Variants in SYDE2 observed in about 807,000 individuals in gnomAD.
SYDE2 encodes the protein synapse defective Rho GTPase homolog 2.
In SYDE2, 76 loss-of-function variants were observed where a neutral mutation model predicts 91.5. The ratio of observed to expected loss-of-function variants is 0.83; its 90% CI spans 0.69 to 1.01. The LOEUF is 1.01. SYDE2 is among the 50% of genes least tolerant of loss of function. The probability of loss-of-function intolerance (pLI) is 0.00; values close to 1 mark genes in which losing one functional copy is unlikely to be tolerated. For synonymous variants in SYDE2, 513 were observed against 506.4 expected, an observed-to-expected ratio of 1.01 and a Z score of -0.18; for missense variants, 1,364 against 1,367.7, an observed-to-expected ratio of 1.00 and a Z score of 0.04.
At chr1:85,153,287 T>C (rs1025839229), downstream of SYDE2, 1 of 152,142 alleles carries the variant, frequency 6.6e-6, no homozygotes, top group Non-Finnish European at 1.5e-5. Context: ...AGAGGAAATA[T>C]GAGATTGAGG....
At chr1:85,189,983 T>C in intron 2 of SYDE2, 74 bp downstream of exon 2, 2 of 1,106,938 alleles carry the variant, frequency 1.8e-6, no homozygotes, top group Non-Finnish European at 1.3e-6. Context: ...ACATCTTTTA[T>C]ATTTAGTTTT....
Position 85,158,747 on chromosome 1 carries a change from A to G in SYDE2, c.*3T>C, listed in dbSNP as rs1394079012. 2 of 719,966 alleles carry G rather than the reference A, an allele frequency of 2.8e-6. No individual in the cohort carries two copies. The highest frequency in any genetic ancestry group is 5.0e-5 in the East Asian group (2 of 40,356). The allele number at this position is 719,966 out of a possible 1,614,324, so 44.6% of individuals were successfully genotyped here. Reference sequence around the variant, plus strand: ...AAGACATTACAAAAAAAAACCCTCAATCTCAAAAACTCATATTAAGCTTGT... The same window carrying G: ...AAGACATTACAAAAAAAAACCCTCAGTCTCAAAAACTCATATTAAGCTTGT... On this transcript the variant is annotated 3_prime_UTR_variant, in exon 7 of 7. Transcript: ENST00000341460.
At chr1:85,177,753 C>CA (rs1463474919) in intron 4 of SYDE2, among the ~76,000 whole-genome samples, 1 of 152,090 alleles carries the variant, frequency 6.6e-6, no homozygotes, top group Non-Finnish European at 1.5e-5. Context: ...CTCCCCCACT[C>CA]AAAAAATCTT....
chr1:85,181,049 A>G (rs1244723640), intron 3 of SYDE2: 1 of 151,382 alleles, frequency 6.6e-6, no homozygotes, highest in African/African-American at 2.4e-5. Context: ...TATCTGAGTT[A>G]GAAGTTTCAT....
At chr1:85,173,279 C>T (rs1657568182) in intron 4 of SYDE2, among the ~76,000 whole-genome samples, 1 of 152,100 alleles carries the variant, frequency 6.6e-6, no homozygotes, top group Non-Finnish European at 1.5e-5. Flanking sequence ...TGGAGTTATG[C>T]ATCTACAGGC....
rs1658315537 is a variant in SYDE2 at position 85,190,294 on chromosome 1, C to T, written c.1204G>A (p.Val402Ile). The T allele has an allele frequency of 6.2e-7, 1 of 1,613,952 alleles. No homozygotes were observed. The highest frequency in any genetic ancestry group is 8.5e-7 in the Non-Finnish European group (1 of 1,179,890). The change falls in exon 2 of 7, where the codon GTC becomes ATC. Residue 402 changes from valine to isoleucine, a missense_variant. Val to Ile is a conservative substitution (Grantham distance 29). Transcript: ENST00000341460. ...CTGCCAGACAACATGCTCAAATTGA[C>T]AGCAGGGAGCTTCAGAACAGCAGAG... is the stretch of plus-strand genomic sequence containing the variant. The part of the protein sequence containing the change: ...ADSAVLKLPA[V>I]NLSMLSGSDL...
intron 5 of SYDE2, among the ~76,000 whole-genome samples, chr1:85,167,801 A>G (rs1657345776): frequency 6.6e-6 from 1 of 152,218 alleles, no homozygotes; most frequent in South Asian, 2.1e-4. Flanking sequence ...GCAGTTCTTC[A>G]CTTATAAGTG....
intron 2 of SYDE2, among the ~76,000 whole-genome samples, chr1:85,189,149 T>C (rs778689073): frequency 2.6e-5 from 4 of 152,208 alleles, no homozygotes; most frequent in Non-Finnish European, 5.9e-5. Context: ...TACATAAAAC[T>C]TCAATTATTT....
At chr1:85,155,367 A>C (rs986639182), downstream of SYDE2, among the ~76,000 whole-genome samples, 4 of 152,208 alleles carry the variant, frequency 2.6e-5, no homozygotes, top group Non-Finnish European at 5.9e-5. Context: ...GGCTGGAAGC[A>C]GTGGCTCATA....
At chr1:85,200,210 T>C (rs1360798160) in intron 1 of SYDE2, 42 bp downstream of exon 1, 1 of 1,612,954 alleles carries the variant, frequency 6.2e-7, no homozygotes, top group Non-Finnish European at 8.5e-7. Flanking sequence ...CGGTAAACAG[T>C]AAGGCTCGCG....
chr1:85,175,237 C>T (rs1474220547), intron 4 of SYDE2, among the ~76,000 whole-genome samples: 3 of 152,168 alleles, frequency 2.0e-5, no homozygotes, highest in African/African-American at 7.2e-5. Flanking sequence ...CAGTGGCTCA[C>T]GCCTGTAATC....
intron 4 of SYDE2, among the ~76,000 whole-genome samples, chr1:85,175,535 T>C (rs1330314026): frequency 1.3e-5 from 2 of 152,136 alleles, no homozygotes; most frequent in Non-Finnish European, 2.9e-5. Flanking sequence ...ACCTAAAATT[T>C]TGCACTTGAT....
intron 1 of SYDE2, among the ~76,000 whole-genome samples, chr1:85,193,394 T>C (rs1658448876): frequency 6.6e-6 from 1 of 152,264 alleles, no homozygotes; most frequent in African/African-American, 2.4e-5. Context: ...CATCTTATTT[T>C]ATCTTTTTCT....
intron 1 of SYDE2, among the ~76,000 whole-genome samples, chr1:85,198,556 CATA>C (rs1370571441): frequency 9.9e-5 from 15 of 152,094 alleles, no homozygotes; most frequent in African/African-American, 3.1e-4. Context: ...AATATTATCA[CATA>C]ATAATTGTTT....
intron 3 of SYDE2, among the ~76,000 whole-genome samples, chr1:85,178,644 G>A (rs1657802163): frequency 6.6e-6 from 1 of 152,038 alleles, no homozygotes; most frequent in Non-Finnish European, 1.5e-5. Context: ...CAAGGGTTTT[G>A]GAGTCATAAA....
At chr1:85,188,028 T>TA (rs530323287) in intron 2 of SYDE2, among the ~76,000 whole-genome samples, 9 of 150,742 alleles carry the variant, frequency 6.0e-5, no homozygotes, top group Non-Finnish European at 1.3e-4. Flanking sequence ...TAAATTAAAT[T>TA]AAAAAAAAAG....
intron 6 of SYDE2, among the ~76,000 whole-genome samples, chr1:85,163,108 ATT>A (rs751158794): frequency 4.9e-5 from 7 of 143,234 alleles, no homozygotes; most frequent in Non-Finnish European, 4.6e-5. Flanking sequence ...TTAAAGTTGA[ATT>A]TTTTTTTTTT....
downstream of SYDE2, among the ~76,000 whole-genome samples, chr1:85,154,418 G>A (rs1400367227): frequency 0.024 from 1 of 42 alleles, no homozygotes. Context: ...GAGTGCAGTG[G>A]CGCAATCTCG....
At chr1:85,165,096 T>C (rs1048155334) in intron 5 of SYDE2, among the ~76,000 whole-genome samples, 6 of 152,028 alleles carry the variant, frequency 3.9e-5, no homozygotes, top group African/African-American at 1.4e-4. Context: ...TAGCCGGGCA[T>C]GATGGCGGGT....
Sources: allele counts gnomAD v4.1 joint callset (sites outside exome capture counted in the v4.1 genomes callset), GRCh38; gene constraint gnomAD v4.1.1; transcripts MANE v1.5; gene names NCBI Gene and HGNC (gene_info 2026-07-23, HGNC 2026-07-21).